Variants in NAV2 observed in about 807,000 individuals in gnomAD.
NAV2 encodes the protein neuron navigator 2.
A neutral mutation model predicts 223.2 loss-of-function variants in NAV2; 54 were observed. That is an observed-to-expected ratio of 0.24 (90% CI 0.19 to 0.30). NAV2 has a LOEUF of 0.30. Among genes scored for constraint, NAV2 ranks in the 10% least tolerant of loss-of-function variants. NAV2 has a pLI of 1.00. For synonymous variants in NAV2, 1,279 were observed against 1,239.3 expected (o/e 1.03, Z -0.67); for missense variants, 2,806 against 3,147.5 (o/e 0.89, Z 2.60).
chr11:19,407,597 G>A (rs1292913847), intron 1 of NAV2, among the ~76,000 whole-genome samples: 1 of 152,176 alleles, frequency 6.6e-6, no homozygotes, highest in Non-Finnish European at 1.5e-5. Context: ...TGTGGCTGCT[G>A]TGTAGAGACT....
chr11:20,115,499 G>T (rs2062985985), intron 37 of NAV2, among the ~76,000 whole-genome samples: 1 of 151,906 alleles, frequency 6.6e-6, no homozygotes, highest in Admixed American at 6.6e-5. Flanking sequence ...GGGCGTGGTG[G>T]CAGGCACCTG....
intron 1 of NAV2, chr11:19,511,615 G>C (rs1439787588): frequency 6.6e-6 from 1 of 152,164 alleles, no homozygotes; most frequent in Non-Finnish European, 1.5e-5. Context: ...GGGCTTTCTG[G>C]TCCGTAAAGC....
intron 11 of NAV2, among the ~76,000 whole-genome samples, chr11:19,985,721 C>T (rs535820616): frequency 3.3e-5 from 5 of 151,968 alleles, no homozygotes; most frequent in South Asian, 2.1e-4. Flanking sequence ...AGATTATAGG[C>T]GTGTACCAGC....
intron 1 of NAV2, among the ~76,000 whole-genome samples, chr11:19,656,290 C>T (rs2048123451): frequency 6.6e-6 from 1 of 152,314 alleles, no homozygotes; most frequent in Middle Eastern, 3.4e-3. Flanking sequence ...TCCCTTGTCA[C>T]GGGGGCCTGT....
chr11:19,897,133 A>C (rs1216864200), intron 6 of NAV2, among the ~76,000 whole-genome samples: 2 of 152,066 alleles, frequency 1.3e-5, no homozygotes, highest in Non-Finnish European at 2.9e-5. Context: ...TATCACAAGG[A>C]CAAAAAACCA....
At chr11:19,577,898 C>G (rs563664133) in intron 1 of NAV2, among the ~76,000 whole-genome samples, 1 of 152,256 alleles carries the variant, frequency 6.6e-6, no homozygotes, top group South Asian at 2.1e-4. Flanking sequence ...GCACAGGCCT[C>G]GGAAGCAGAC....
intron 37 of NAV2, among the ~76,000 whole-genome samples, chr11:20,117,108 G>T (rs1328986976): frequency 1.3e-5 from 2 of 152,176 alleles, no homozygotes; most frequent in African/African-American, 4.8e-5. Context: ...ATGCCCAGCT[G>T]CACCACATCT....
chr11:19,820,030 G>A (rs2059290462), intron 1 of NAV2, among the ~76,000 whole-genome samples: 1 of 152,262 alleles, frequency 6.6e-6, no homozygotes, highest in South Asian at 2.1e-4. Context: ...GTGTTTGGCT[G>A]GATGAGGACA....
chr11:19,808,093 AC>A (rs1459917692), intron 1 of NAV2, among the ~76,000 whole-genome samples: 1 of 152,336 alleles, frequency 6.6e-6, no homozygotes, highest in African/African-American at 2.4e-5. Context: ...AGGACTAGTC[AC>A]AGAAACTAAG....
intron 6 of NAV2, among the ~76,000 whole-genome samples, chr11:19,923,470 G>A (rs1394717701): frequency 6.6e-6 from 1 of 151,878 alleles, no homozygotes; most frequent in African/African-American, 2.4e-5. Context: ...TTCTTTTACT[G>A]TCTATTTATA....
At chr11:19,623,553 G>A (rs905465741) in intron 1 of NAV2, among the ~76,000 whole-genome samples, 1 of 151,930 alleles carries the variant, frequency 6.6e-6, no homozygotes, top group African/African-American at 2.4e-5. Context: ...CCAGTTGATC[G>A]AATCCGCTAC....
rs546165733 is a variant in NAV2 at position 19,923,101 on chromosome 11, C to G, written c.932-10075C>G. On this transcript the variant is annotated intron_variant, in intron 6 of 37. Transcript: ENST00000349880. ...AATCCCACATTTTACTAGATTATAA[C>G]ATCACAGGGGGAAATAAGGGCTCAT... is the stretch of plus-strand genomic sequence containing the variant. Among the ~76,000 whole-genome samples the G allele has an allele frequency of 3.9e-5, 6 of 152,316 alleles. No homozygotes were observed. The South Asian group carries it at 1.2e-3, about 32-fold the overall frequency.
intron 1 of NAV2, among the ~76,000 whole-genome samples, chr11:19,607,268 G>A (rs547175363): frequency 1.3e-5 from 2 of 152,308 alleles, no homozygotes; most frequent in South Asian, 4.2e-4. Context: ...ATCTTCCACT[G>A]TCTGCCTTTG....
intron 1 of NAV2, among the ~76,000 whole-genome samples, chr11:19,618,929 C>T (rs1334463244): frequency 9.4e-3 from 11 of 1,168 alleles, no homozygotes; most frequent in Admixed American, 0.012. Flanking sequence ...CCATGACAGG[C>T]CCTGGTGTGT....
At chr11:19,538,685 T>TA (rs1310112844) in intron 1 of NAV2, among the ~76,000 whole-genome samples, 6 of 150,970 alleles carry the variant, frequency 4.0e-5, no homozygotes, top group Admixed American at 3.3e-4. Context: ...CTTTTTTTTT[T>TA]ATGCTTTAGT....
At chr11:19,942,504 G>T (rs557711797) in intron 8 of NAV2, among the ~76,000 whole-genome samples, 1 of 152,210 alleles carries the variant, frequency 6.6e-6, no homozygotes, top group South Asian at 2.1e-4. Context: ...ACTTGTCCAG[G>T]GTCAAGTGGC....
intron 6 of NAV2, among the ~76,000 whole-genome samples, chr11:19,912,948 C>T (rs184550462): frequency 1.5e-4 from 23 of 152,348 alleles, no homozygotes; most frequent in Admixed American, 7.2e-4. Flanking sequence ...TAAGACCCTC[C>T]TCCTAATAAA....
At chr11:19,483,565 A>G (rs147051432) in intron 1 of NAV2, among the ~76,000 whole-genome samples, 2,954 of 152,338 alleles carry the variant, frequency 0.019, 34 homozygotes, top group Middle Eastern at 0.058. Flanking sequence ...AAAGAAAAAA[A>G]GTGATATGCT....
chr11:19,436,726 C>T (rs1171530070), intron 1 of NAV2, among the ~76,000 whole-genome samples: 1 of 152,110 alleles, frequency 6.6e-6, no homozygotes, highest in Non-Finnish European at 1.5e-5. Flanking sequence ...GGTTAGAAGA[C>T]ATGGAAACAC....
Sources: gnomAD v4.1 joint callset for allele counts (sites outside exome capture counted in the v4.1 genomes callset) on GRCh38, gnomAD v4.1.1 for gene constraint, MANE v1.5 for transcripts, NCBI Gene and HGNC (gene_info 2026-07-23, HGNC 2026-07-21) for gene names.